The following SEMA5A variants were observed in gnomAD, a reference collection of about 807,000 sequenced individuals.
SEMA5A encodes semaphorin 5A.
Under a neutral mutation model 135.5 loss-of-function variants are expected in SEMA5A, and 55 were observed. That is an observed-to-expected ratio of 0.41 (90% CI 0.33 to 0.51). SEMA5A has a LOEUF of 0.51. Among genes scored for constraint, SEMA5A ranks in the 20% least tolerant of loss-of-function variants. The probability of loss-of-function intolerance (pLI) is 0.37; values close to 1 mark genes in which losing one functional copy is unlikely to be tolerated. For missense variants in SEMA5A, 1,290 were observed against 1,419.9 expected, an observed-to-expected ratio of 0.91 and a Z score of 1.47; for synonymous variants, 580 against 546.5, an observed-to-expected ratio of 1.06 and a Z score of -0.85.
Position 9,179,070 on chromosome 5 carries a change from A to G in SEMA5A, c.1273+11197T>C, listed in dbSNP as rs538217115. ...GGGCACTGAATCAAGATTATGAAAA[A>G]TCCTCGTAGTTATAATACCATCATC... On this transcript the variant is annotated intron_variant, in intron 11 of 22. Transcript: ENST00000382496. Among the ~76,000 whole-genome samples the G allele has an allele frequency of 3.9e-5, 6 of 152,298 alleles. No homozygotes were observed. In the East Asian group the frequency reaches 1.2e-3, roughly 29 times the overall value.
chr5:9,238,073 T>C (rs531134332), intron 5 of SEMA5A, among the ~76,000 whole-genome samples, 183 bp from the exon 6 acceptor site: 1 of 152,298 alleles, frequency 6.6e-6, no homozygotes, highest in East Asian at 1.9e-4. Flanking sequence ...TAGATTTAGC[T>C]CTAATATTGA....
rs1741241491 is a variant in SEMA5A at position 9,128,620 on chromosome 5, AT to A, written c.1600-5784del. On this transcript the variant is annotated intron_variant, in intron 13 of 22. Coordinates refer to ENST00000382496, the MANE Select transcript of SEMA5A (RefSeq NM_003966.3). Reference sequence around the variant, plus strand: ...TGAAAATAGTCCTTAATTAGGCCCTATTCACAGGAAATTTAATTACCATTAG... The same window carrying A: ...TGAAAATAGTCCTTAATTAGGCCCTATCACAGGAAATTTAATTACCATTAG... Among the ~76,000 whole-genome samples, 3 of 152,318 alleles carry A rather than the reference AT, an allele frequency of 2.0e-5. No individual in the cohort carries two copies. In the South Asian group the frequency reaches 6.2e-4, roughly 32 times the overall value.
At chr5:9,241,847 G>A (rs149211204) in intron 5 of SEMA5A, among the ~76,000 whole-genome samples, 7 of 152,160 alleles carry the variant, frequency 4.6e-5, no homozygotes, top group South Asian at 4.1e-4. Flanking sequence ...ACACTCCACC[G>A]CCAGATAAGT....
chr5:9,284,139 G>A (rs1750680537), intron 5 of SEMA5A, among the ~76,000 whole-genome samples: 1 of 145,178 alleles, frequency 6.9e-6, no homozygotes, highest in Non-Finnish European at 1.5e-5. Context: ...AGAGATAAGA[G>A]ATAGATGCTG....
At chr5:9,097,961 G>A (rs1396421558) in intron 16 of SEMA5A, among the ~76,000 whole-genome samples, 1 of 152,108 alleles carries the variant, frequency 6.6e-6, no homozygotes, top group African/African-American at 2.4e-5. Context: ...TAAAAAATAA[G>A]GGCTGAGTGT....
At chr5:9,146,681 G>T (rs998397911) in intron 12 of SEMA5A, among the ~76,000 whole-genome samples, 2 of 152,188 alleles carry the variant, frequency 1.3e-5, no homozygotes, top group Admixed American at 1.3e-4. Context: ...ACTTACACCA[G>T]AATTTCTTAT....
Position 9,044,462 on chromosome 5 carries a change from T to A in SEMA5A, c.3016A>T (p.Ile1006Phe), listed in dbSNP as rs1736133044. The A allele has an allele frequency of 6.2e-7, 1 of 1,613,926 alleles. No homozygotes were observed. Among genetic ancestry groups the A allele is most frequent in the Non-Finnish European group, 8.5e-7 (1 of 1,179,986 alleles). The stretch of plus-strand genomic sequence containing the variant: ...AGGGGGGCAGGTGAGACGGGGTGGA[T>A]GACAGTCGCATCGTGGGATTGCTGC... ...YQQQSHDATV[I>F]HPVSPAPLNT... Residue 1006 changes from isoleucine (I) to phenylalanine (F), a missense_variant, in exon 22 of 23, where the codon ATC becomes TTC. Ile to Phe is a conservative substitution (Grantham distance 21). Transcript: ENST00000382496.
At chr5:9,043,156 G>C in intron 22 of SEMA5A, 140 bp from the exon 23 acceptor site, 5 of 790,394 alleles carry the variant, frequency 6.3e-6, no homozygotes, top group Non-Finnish European at 9.5e-6. Flanking sequence ...TTATTTATTT[G>C]CTTCCCCAGA....
chr5:9,304,404 C>T (rs1474470465), intron 5 of SEMA5A, among the ~76,000 whole-genome samples: 1 of 152,000 alleles, frequency 6.6e-6, no homozygotes, highest in Non-Finnish European at 1.5e-5. Context: ...CTTTATCGAT[C>T]TGATTTGTCC....
At chr5:9,236,711 G>A (rs1306377001) in intron 6 of SEMA5A, among the ~76,000 whole-genome samples, 1 of 152,140 alleles carries the variant, frequency 6.6e-6, no homozygotes, top group African/African-American at 2.4e-5. Context: ...ATATCTTCCA[G>A]AAAATACCCT....
intron 11 of SEMA5A, among the ~76,000 whole-genome samples, chr5:9,181,676 A>T (rs997306291): frequency 3.3e-5 from 5 of 152,134 alleles, no homozygotes; most frequent in African/African-American, 1.2e-4. Context: ...GATGGGATTG[A>T]TAGAAACACG....
At chr5:9,106,675 T>C (rs1165954842) in intron 16 of SEMA5A, among the ~76,000 whole-genome samples, 1 of 152,240 alleles carries the variant, frequency 6.6e-6, no homozygotes, top group Non-Finnish European at 1.5e-5. Context: ...TACAAAGTTA[T>C]CCCATTTGAA....
intron 14 of SEMA5A, among the ~76,000 whole-genome samples, chr5:9,121,862 C>T (rs1347503222): frequency 6.6e-6 from 1 of 152,208 alleles, no homozygotes; most frequent in African/African-American, 2.4e-5. Context: ...GGCTCTCCTA[C>T]AATTTGATCA....
chr5:9,219,043 T>C (rs975758141), intron 8 of SEMA5A, among the ~76,000 whole-genome samples: 2 of 152,232 alleles, frequency 1.3e-5, no homozygotes, highest in African/African-American at 4.8e-5. Flanking sequence ...AGGTAGTCAG[T>C]GATCTGCAGT....
At chr5:9,095,377 C>T (rs1186160006) in intron 16 of SEMA5A, among the ~76,000 whole-genome samples, 1 of 151,950 alleles carries the variant, frequency 6.6e-6, no homozygotes, top group Non-Finnish European at 1.5e-5. Flanking sequence ...GCACATGTAC[C>T]CCAGAACTTA....
intron 12 of SEMA5A, among the ~76,000 whole-genome samples, chr5:9,143,765 G>A (rs932668180): frequency 9.2e-5 from 14 of 152,140 alleles, no homozygotes; most frequent in African/African-American, 1.7e-4. Flanking sequence ...CAGAGACCCC[G>A]TTCCACTCCC....
intron 5 of SEMA5A, among the ~76,000 whole-genome samples, chr5:9,273,604 C>G (rs1750101768): frequency 6.6e-6 from 1 of 152,066 alleles, no homozygotes; most frequent in South Asian, 2.1e-4. Flanking sequence ...GGTCAGGTTA[C>G]CCACAAAGGG....
intron 1 of SEMA5A, among the ~76,000 whole-genome samples, chr5:9,528,092 G>A (rs1010529557): frequency 6.6e-6 from 1 of 152,118 alleles, no homozygotes; most frequent in African/African-American, 2.4e-5. Flanking sequence ...AATAGAATAT[G>A]ATCAACTTAG....
At chr5:9,458,158 C>A (rs1053536752) in intron 1 of SEMA5A, among the ~76,000 whole-genome samples, 1 of 151,672 alleles carries the variant, frequency 6.6e-6, no homozygotes, top group African/African-American at 2.4e-5. Context: ...CCGCCCGCCT[C>A]GGCCTCCCAA....
Sources: allele counts gnomAD v4.1 joint callset (sites outside exome capture counted in the v4.1 genomes callset), GRCh38; gene constraint gnomAD v4.1.1; transcripts MANE v1.5; gene names NCBI Gene and HGNC (gene_info 2026-07-23, HGNC 2026-07-21).